Variants in BMP6 observed in about 807,000 individuals in gnomAD.
BMP6 encodes the protein bone morphogenetic protein 6.
In BMP6, 17 loss-of-function variants were observed where a neutral mutation model predicts 54.1. That is an observed-to-expected ratio of 0.31 (90% confidence interval 0.22 to 0.47). The LOEUF (loss-of-function observed/expected upper bound fraction) is 0.47, where lower values mean the gene tolerates loss of function less well. Among genes scored for constraint, BMP6 ranks in the 20% least tolerant of loss-of-function variants. The pLI is 1.00. For missense variants in BMP6, 720 were observed against 690.4 expected (o/e 1.04, Z -0.48); for synonymous variants, 328 against 291.2 (o/e 1.13, Z -1.28).
chr6:7,862,775 C>T (rs1430730725), intron 4 of BMP6, among the ~76,000 whole-genome samples: 1 of 152,164 alleles, frequency 6.6e-6, no homozygotes, highest in Admixed American at 6.5e-5. Context: ...TTACATTTCT[C>T]CAACTCTTTT....
chr6:7,786,058 A>G (rs1325331646), intron 1 of BMP6, among the ~76,000 whole-genome samples: 1 of 152,252 alleles, frequency 6.6e-6, no homozygotes, highest in African/African-American at 2.4e-5. Flanking sequence ...TGCAGGAGGC[A>G]GAAGCCCCGG....
chr6:7,845,177 C>T lies in BMP6; in HGVS notation c.702C>T (p.His234=), dbSNP rs759847518. Reference sequence around the variant, plus strand: ...AGGAGTTCTCCCCTCGTCAGCGACACCACAAAGAGTTCAAGTTCAACTTAT... The same window carrying T: ...AGGAGTTCTCCCCTCGTCAGCGACATCACAAAGAGTTCAAGTTCAACTTAT... ...YDKEFSPRQR[H]HKEFKFNLSQ... The change falls in exon 2 of 7, where the codon CAC becomes CAT. Residue 234 remains histidine (H), a synonymous_variant. Transcript: ENST00000283147. 2 of 1,614,068 alleles carry T rather than the reference C, an allele frequency of 1.2e-6. No homozygotes were observed. The highest frequency in any genetic ancestry group is 2.2e-5 in the South Asian group (2 of 91,060).
chr6:7,871,052 C>G (rs1759516567), intron 4 of BMP6, among the ~76,000 whole-genome samples: 1 of 150,700 alleles, frequency 6.6e-6, no homozygotes, highest in African/African-American at 2.4e-5. Context: ...ATGTCCAAAG[C>G]CATTTTTTTC....
chr6:7,757,413 A>G (rs950517932), intron 1 of BMP6, among the ~76,000 whole-genome samples: 10 of 152,320 alleles, frequency 6.6e-5, no homozygotes, highest in Admixed American at 2.6e-4. Context: ...TACCTCGGCC[A>G]TCATAGGACA....
intron 1 of BMP6, among the ~76,000 whole-genome samples, chr6:7,743,300 A>T (rs546355658): frequency 5.7e-4 from 87 of 152,348 alleles, no homozygotes; most frequent in African/African-American, 1.9e-3. Flanking sequence ...ACAATAGTAT[A>T]TAATGTTGCA....
chr6:7,790,305 G>A (rs749230715), intron 1 of BMP6, among the ~76,000 whole-genome samples: 39 of 151,864 alleles, frequency 2.6e-4, no homozygotes, highest in Middle Eastern at 3.4e-3. Context: ...TCTTTAGTCC[G>A]GGAGTTTGAG....
At chr6:7,802,149 C>G (rs1758278206) in intron 1 of BMP6, among the ~76,000 whole-genome samples, 1 of 152,192 alleles carries the variant, frequency 6.6e-6, no homozygotes, top group African/African-American at 2.4e-5. Context: ...ATTTAATTTG[C>G]TACCTAACTC....
In BMP6 at chr6:7,726,558, G is replaced by C. The variant is rs1354789704; in HGVS notation, c.-398G>C. Among the ~76,000 whole-genome samples the C allele has an allele frequency of 6.6e-6, 1 of 152,176 alleles. No individual in the cohort carries two copies. The highest frequency in any genetic ancestry group is 6.5e-5 in the Admixed American group (1 of 15,284). On this transcript the variant is annotated 5_prime_UTR_variant, in exon 1 of 7. Transcript: ENST00000283147. ...GCCCCGGGTCCCACTCAGTCGCCAGGGAGAGCGCGGGGCAGCGCACGTGTG... is the reference window on the plus strand; with the variant it reads ...GCCCCGGGTCCCACTCAGTCGCCAGCGAGAGCGCGGGGCAGCGCACGTGTG...
intron 1 of BMP6, among the ~76,000 whole-genome samples, chr6:7,818,890 T>C (rs559060305): frequency 6.6e-6 from 1 of 152,350 alleles, no homozygotes; most frequent in African/African-American, 2.4e-5. Flanking sequence ...TTTGAGCCAA[T>C]GATTGCATTT....
chr6:7,869,638 A>G lies in BMP6; in HGVS notation c.1204+7140A>G, dbSNP rs73719354. 8.4e-3 allele frequency among the ~76,000 whole-genome samples: 1,276 copies of G among 152,222 alleles called. 15 individuals are homozygous for G. Among genetic ancestry groups the G allele is most frequent in the African/African-American group, 0.029 (1,217 of 41,524 alleles). On this transcript the variant is annotated intron_variant, in intron 4 of 6. Coordinates refer to ENST00000283147, the MANE Select transcript of BMP6 (RefSeq NM_001718.6). ...TAGGATGCCCTGCCCCGTCACTGTC[A>G]CATGGGCCCCGGCAGCCTTCCCATT...
intron 1 of BMP6, among the ~76,000 whole-genome samples, chr6:7,758,781 C>T (rs532942147): frequency 3.3e-5 from 5 of 152,340 alleles, no homozygotes; most frequent in African/African-American, 1.2e-4. Flanking sequence ...CCACAAACCC[C>T]TTCACCCTCT....
chr6:7,813,719 C>T (rs1267560976), intron 1 of BMP6, among the ~76,000 whole-genome samples: 2 of 147,762 alleles, frequency 1.4e-5, no homozygotes, highest in African/African-American at 2.5e-5. Flanking sequence ...TCTATAGATA[C>T]TCCATAGCAT....
At chr6:7,768,685 T>G (rs543384514) in intron 1 of BMP6, among the ~76,000 whole-genome samples, 1 of 152,336 alleles carries the variant, frequency 6.6e-6, no homozygotes, top group African/African-American at 2.4e-5. Context: ...TGGCATCTTT[T>G]TCTCACTTCT....
At chr6:7,822,678 C>T (rs1168988391) in intron 1 of BMP6, among the ~76,000 whole-genome samples, 1 of 152,138 alleles carries the variant, frequency 6.6e-6, no homozygotes, top group Non-Finnish European at 1.5e-5. Context: ...TTTCTCACTA[C>T]CTTTTAGATT....
intron 4 of BMP6, among the ~76,000 whole-genome samples, chr6:7,873,811 C>T (rs183026640): frequency 9.2e-5 from 14 of 152,078 alleles, no homozygotes; most frequent in Non-Finnish European, 2.1e-4. Flanking sequence ...TATTTTCACA[C>T]TGCCCATGTC....
intron 1 of BMP6, among the ~76,000 whole-genome samples, chr6:7,737,944 T>C (rs1233643546): frequency 6.6e-6 from 1 of 152,030 alleles, no homozygotes; most frequent in Non-Finnish European, 1.5e-5. Flanking sequence ...TTCTTAGTAT[T>C]ATTCTTTTTT....
chr6:7,834,533 T>A (rs190934851), intron 1 of BMP6, among the ~76,000 whole-genome samples: 437 of 151,128 alleles, frequency 2.9e-3, no homozygotes, highest in African/African-American at 9.8e-3. Context: ...TTTTTTTTTT[T>A]AAAATCATTG....
At chr6:7,733,991 A>G (rs1023676295) in intron 1 of BMP6, among the ~76,000 whole-genome samples, 4 of 152,214 alleles carry the variant, frequency 2.6e-5, no homozygotes, top group African/African-American at 9.6e-5. Flanking sequence ...CAAGCATTAG[A>G]AATCAGTAAC....
chr6:7,772,051 C>A (rs200083715), intron 1 of BMP6, among the ~76,000 whole-genome samples: 85 of 141,236 alleles, frequency 6.0e-4, no homozygotes, highest in Admixed American at 1.4e-3. Context: ...AAGCCTGCCT[C>A]AAAAAAAAAA....
Sources: gnomAD v4.1 joint callset for allele counts (sites outside exome capture counted in the v4.1 genomes callset) on GRCh38, gnomAD v4.1.1 for gene constraint, MANE v1.5 for transcripts, NCBI Gene and HGNC (gene_info 2026-07-23, HGNC 2026-07-21) for gene names.